Variants in SHROOM4 observed in about 807,000 individuals in gnomAD.
The protein encoded by SHROOM4 is shroom family member 4.
In SHROOM4, 17 loss-of-function variants were observed where a neutral mutation model predicts 80.3. That is an observed-to-expected ratio of 0.21 (90% CI 0.14 to 0.32). The LOEUF (loss-of-function observed/expected upper bound fraction) is 0.32, where lower values mean the gene tolerates loss of function less well. Among genes scored for constraint, SHROOM4 ranks in the 10% least tolerant of loss-of-function variants. The probability of loss-of-function intolerance (pLI) is 1.00; values close to 1 mark genes in which losing one functional copy is unlikely to be tolerated. For missense variants in SHROOM4, 993 were observed against 1,140.3 expected, an observed-to-expected ratio of 0.87 and a Z score of 1.86; for synonymous variants, 400 against 437.5, an observed-to-expected ratio of 0.91 and a Z score of 1.07.
At chrX:50,757,038 T>C (rs1332541101) in intron 1 of SHROOM4, among the ~76,000 whole-genome samples, 1 of 111,673 alleles carries the variant, frequency 9.0e-6, no homozygotes. Context: ...GTGGTTTTGT[T>C]GTTGTATCTT....
At chrX:50,610,144 G>T (rs782692270) in intron 5 of SHROOM4, among the ~76,000 whole-genome samples, 1 of 111,328 alleles carries the variant, frequency 9.0e-6, no homozygotes, top group East Asian at 2.8e-4. Context: ...GCCAAATTCA[G>T]ACAGAATGGA....
intron 1 of SHROOM4, among the ~76,000 whole-genome samples, chrX:50,743,332 A>C (rs2147580703): frequency 9.0e-6 from 1 of 111,634 alleles, no homozygotes; most frequent in African/African-American, 3.2e-5. Flanking sequence ...ATCAACTAAG[A>C]GAAGAGGGAG....
chrX:50,806,792 G>A (rs991504707), intron 1 of SHROOM4, among the ~76,000 whole-genome samples: 2 of 112,257 alleles, frequency 1.8e-5, no homozygotes, highest in African/African-American at 3.2e-5. Context: ...CAGCATCAAA[G>A]GTATGAACAC....
chrX:50,626,329 T>TTACCAGG (rs1263489585), intron 5 of SHROOM4, among the ~76,000 whole-genome samples: 1 of 112,238 alleles, frequency 8.9e-6, no homozygotes, highest in Admixed American at 9.4e-5. Context: ...TGCTGCCCCC[T>TTACCAGG]TACCAGGTGC....
At chrX:50,637,016 T>G (rs1931386249) in intron 3 of SHROOM4, among the ~76,000 whole-genome samples, 1 of 111,423 alleles carries the variant, frequency 9.0e-6, no homozygotes, top group African/African-American at 3.3e-5. Context: ...CAGGATCCTC[T>G]CTAATACTAG....
At chrX:50,735,086 A>G (rs1485434011) in intron 1 of SHROOM4, among the ~76,000 whole-genome samples, 1 of 111,839 alleles carries the variant, frequency 8.9e-6, no homozygotes, top group Non-Finnish European at 1.9e-5. Flanking sequence ...AACTTATTTA[A>G]AAACAACAGA....
At chrX:50,698,854 G>C (rs1274018671) in intron 1 of SHROOM4, among the ~76,000 whole-genome samples, 1 of 111,878 alleles carries the variant, frequency 8.9e-6, no homozygotes, top group Admixed American at 9.5e-5. Context: ...GGGGGATGGA[G>C]GGGCGAAAGA....
In SHROOM4 at chrX:50,678,182, G is replaced by A. The variant is rs146078713; in HGVS notation, c.269+17604C>T. Among the ~76,000 whole-genome samples, 287 of 110,916 alleles carry A rather than the reference G, an allele frequency of 2.6e-3. 2 individuals carry two copies. Among genetic ancestry groups the A allele is most frequent in the African/African-American group, 9.0e-3 (276 of 30,618 alleles). On this transcript the variant is annotated intron_variant, in intron 2 of 8. Coordinates refer to ENST00000376020, the MANE Select transcript of SHROOM4 (RefSeq NM_020717.5). The stretch of plus-strand genomic sequence containing the variant: ...AAGTTTCCACCATTTCCTCTCAAAG[G>A]TTAGCCCACGCTCCAGTAATTTTTA...
At chrX:50,726,750 G>A (rs183337231) in intron 1 of SHROOM4, among the ~76,000 whole-genome samples, 1 of 113,183 alleles carries the variant, frequency 8.8e-6, no homozygotes, top group African/African-American at 3.2e-5. Flanking sequence ...GAAATGCCTG[G>A]ATGTCCAGGC....
In SHROOM4 at chrX:50,700,638, G is replaced by A. The variant is rs915977752; in HGVS notation, c.118-4701C>T. On this transcript the variant is annotated intron_variant, in intron 1 of 8. Transcript: ENST00000376020. ...TGGGAGATACAGGCTTTCAAACCTCGGCAGTCTTCTTGCCATGGCTTTCAA... is the reference window on the plus strand; with the variant it reads ...TGGGAGATACAGGCTTTCAAACCTCAGCAGTCTTCTTGCCATGGCTTTCAA... 9.9e-5 allele frequency among the ~76,000 whole-genome samples: 11 copies of A among 111,295 alleles called. No homozygotes were observed. The East Asian group carries it at 1.1e-3, about 11-fold the overall frequency.
At chrX:50,620,414 A>T (rs1557251786) in intron 5 of SHROOM4, among the ~76,000 whole-genome samples, 1 of 111,660 alleles carries the variant, frequency 9.0e-6, no homozygotes, top group African/African-American at 3.3e-5. Flanking sequence ...AGATTGGTAA[A>T]CTCTTTCCAT....
chrX:50,784,544 C>T (rs781850137), intron 1 of SHROOM4, among the ~76,000 whole-genome samples: 1 of 111,734 alleles, frequency 8.9e-6, no homozygotes, highest in South Asian at 3.7e-4. Context: ...AATAACTAGA[C>T]GTCCATATGC....
At chrX:50,628,932 T>C (rs1265646938) in intron 4 of SHROOM4, among the ~76,000 whole-genome samples, 1 of 111,969 alleles carries the variant, frequency 8.9e-6, no homozygotes, top group African/African-American at 3.2e-5. Flanking sequence ...AGAACAGCTC[T>C]AACCACTTGT....
intron 1 of SHROOM4, among the ~76,000 whole-genome samples, chrX:50,749,147 G>A (rs1557267869): frequency 1.8e-5 from 2 of 112,200 alleles, no homozygotes; most frequent in Non-Finnish European, 1.9e-5. Flanking sequence ...AGGAGATGGA[G>A]GCTGCAGTGA....
At chrX:50,611,144 C>CTTTTTTTTTTTTTTTTTTTTTTTTTT (rs782473243) in intron 5 of SHROOM4, among the ~76,000 whole-genome samples, 1 of 68,217 alleles carries the variant, frequency 1.5e-5, no homozygotes, top group Non-Finnish European at 2.6e-5. Context: ...TTCTTTTTTT[C>CTTTTTTTTTTTTTTTTTTTTTTTTTT]TTTTTTTTTT....
In SHROOM4 at chrX:50,668,181, C is replaced by T. The variant is rs12852790; in HGVS notation, c.269+27605G>A. On this transcript the variant is annotated intron_variant, in intron 2 of 8. Transcript: ENST00000376020. ...CTACTCATGATGTTAATGGAGAACA[C>T]ATGGGGAGCATAGGCATCCGCTCCC... Among the ~76,000 whole-genome samples, 780 of 112,283 alleles carry T rather than the reference C, an allele frequency of 6.9e-3. 7 individuals carry two copies. Among genetic ancestry groups the T allele is most frequent in the Non-Finnish European group, 0.01 (539 of 53,175 alleles).
intron 1 of SHROOM4, among the ~76,000 whole-genome samples, chrX:50,724,429 G>A (rs1417884254): frequency 8.9e-6 from 1 of 112,161 alleles, no homozygotes; most frequent in African/African-American, 3.3e-5. Flanking sequence ...TATAACAGCA[G>A]TAGAAAACTA....
At chrX:50,638,349 G>C (rs1931449573) in intron 2 of SHROOM4, 41 bp from the exon 3 acceptor site, 2 of 1,207,511 alleles carry the variant, frequency 1.7e-6, no homozygotes, top group African/African-American at 1.7e-5. Context: ...GAAGGAACCA[G>C]AGCTGAAATC....
chrX:50,611,239 C>T (rs1008737608), intron 5 of SHROOM4, among the ~76,000 whole-genome samples: 72 of 105,596 alleles, frequency 6.8e-4, no homozygotes, highest in Non-Finnish European at 1.2e-3. Context: ...AGCTCCGCCT[C>T]CCGGGTTCAC....
Sources: gnomAD v4.1 joint callset for allele counts (sites outside exome capture counted in the v4.1 genomes callset) on GRCh38, gnomAD v4.1.1 for gene constraint, MANE v1.5 for transcripts, NCBI Gene and HGNC (gene_info 2026-07-23, HGNC 2026-07-21) for gene names.